WWOX: variants seen among roughly 807,000 people sequenced by gnomAD.
WWOX encodes the protein WW domain-containing oxidoreductase.
A neutral mutation model predicts 46.2 loss-of-function variants in WWOX; 69 were observed. The ratio of observed to expected loss-of-function variants is 1.49; its 90% CI spans 1.23 to 1.82. WWOX has a LOEUF of 1.82. WWOX is among the 40% of genes most tolerant of loss of function. WWOX has a pLI of 0.00. For missense variants in WWOX, 919 were observed against 542.6 expected, an observed-to-expected ratio of 1.69 and a Z score of -6.89; for synonymous variants, 359 against 202.6, an observed-to-expected ratio of 1.77 and a Z score of -6.56.
At chr16:78,231,446 G>A (rs1336733191) in intron 5 of WWOX, among the ~76,000 whole-genome samples, 9 of 152,134 alleles carry the variant, frequency 5.9e-5, no homozygotes, top group East Asian at 1.9e-4. Context: ...TTGGAAATCC[G>A]CTCTCAGGTG....
chr16:79,062,923 C>G (rs1251657811), intron 8 of WWOX, among the ~76,000 whole-genome samples: 1 of 152,192 alleles, frequency 6.6e-6, no homozygotes, highest in Non-Finnish European at 1.5e-5. Context: ...GGCTGTCCAC[C>G]TGCTCAAAAG....
intron 8 of WWOX, among the ~76,000 whole-genome samples, chr16:78,678,309 A>C (rs1559291): frequency 6.6e-6 from 1 of 152,136 alleles, no homozygotes; most frequent in Non-Finnish European, 1.5e-5. Flanking sequence ...CCAGGAGGTC[A>C]AGGCTGCAGT....
intron 8 of WWOX, among the ~76,000 whole-genome samples, chr16:78,799,419 C>G (rs1356725986): frequency 6.6e-6 from 1 of 152,184 alleles, no homozygotes; most frequent in East Asian, 1.9e-4. Context: ...AACTTACCAG[C>G]ATTTAAGGTT....
chr16:78,428,869 T>C (rs559712967), intron 7 of WWOX, among the ~76,000 whole-genome samples: 2 of 152,164 alleles, frequency 1.3e-5, no homozygotes, highest in Admixed American at 1.3e-4. Context: ...CCAAAAGCCC[T>C]AAACATGAGG....
rs187765169 is a variant in WWOX at position 78,719,779 on chromosome 16, C to G, written c.1056+287027C>G. On this transcript the variant is annotated intron_variant, in intron 8 of 8. Coordinates refer to ENST00000566780, the MANE Select transcript of WWOX (RefSeq NM_016373.4). Reference sequence around the variant, plus strand: ...CATCAAGTTAAGAATGAATTTGTAACCAGGGGTATTATGTTTTCTCTTATT... The same window carrying G: ...CATCAAGTTAAGAATGAATTTGTAAGCAGGGGTATTATGTTTTCTCTTATT... Among the ~76,000 whole-genome samples the G allele has an allele frequency of 9.2e-5, 14 of 152,214 alleles. No individual in the cohort carries two copies. The East Asian group carries it at 2.7e-3, about 29-fold the overall frequency.
chr16:78,161,745 C>G (rs1263487757), intron 4 of WWOX, among the ~76,000 whole-genome samples: 1 of 152,170 alleles, frequency 6.6e-6, no homozygotes, highest in Non-Finnish European at 1.5e-5. Flanking sequence ...ATCTTCTCTC[C>G]TTTCTTGCCT....
chr16:78,584,324 G>A (rs2045139987), intron 8 of WWOX, among the ~76,000 whole-genome samples: 1 of 152,212 alleles, frequency 6.6e-6, no homozygotes, highest in Admixed American at 6.5e-5. Context: ...AATTGGCCAA[G>A]ATGAAGGTGT....
chr16:78,810,374 C>G (rs368912817), intron 8 of WWOX, among the ~76,000 whole-genome samples: 157 of 152,310 alleles, frequency 1.0e-3, no homozygotes, highest in African/African-American at 3.6e-3. Flanking sequence ...TGGACACATG[C>G]AGCCACACTT....
In WWOX at chr16:79,071,459, A is replaced by G. The variant is rs147350314; in HGVS notation, c.1057-140149A>G. ...CCCTGTTACCCAAGAGAGTTCACCA[A>G]TTACCCAAACCAAGTTTCATTTTGT... On this transcript the variant is annotated intron_variant, in intron 8 of 8. Transcript: ENST00000566780. Among the ~76,000 whole-genome samples, 140 of 152,256 alleles carry G rather than the reference A, an allele frequency of 9.2e-4. No individual in the cohort carries two copies. In the East Asian group the frequency reaches 0.023, roughly 25 times the overall value.
chr16:78,294,319 T>A (rs2079907951), intron 5 of WWOX, among the ~76,000 whole-genome samples: 1 of 152,140 alleles, frequency 6.6e-6, no homozygotes, highest in African/African-American at 2.4e-5. Context: ...TGGTGCATAT[T>A]TCTTGAGTTG....
chr16:78,566,430 C>A (rs930204694), intron 8 of WWOX, among the ~76,000 whole-genome samples: 5 of 152,180 alleles, frequency 3.3e-5, no homozygotes, highest in African/African-American at 1.2e-4. Context: ...TTTCTGAGTT[C>A]TGCCAAAAAC....
rs144061566 is a variant in WWOX at position 78,658,300 on chromosome 16, C to T, written c.1056+225548C>T. ...AATGAACAAGAAAGTATTAATAAGA[C>T]CCAAATAATAATATAAACTACTACT... On this transcript the variant is annotated intron_variant, in intron 8 of 8. Coordinates refer to ENST00000566780, the MANE Select transcript of WWOX (RefSeq NM_016373.4). Among the ~76,000 whole-genome samples the T allele has an allele frequency of 3.9e-4, 60 of 152,224 alleles. No individual in the cohort carries two copies. The South Asian group carries it at 7.5e-3, about 19-fold the overall frequency.
chr16:78,553,823 G>A (rs993877713), intron 8 of WWOX, among the ~76,000 whole-genome samples: 2 of 152,118 alleles, frequency 1.3e-5, no homozygotes, highest in African/African-American at 4.8e-5. Flanking sequence ...TGGCAGTATT[G>A]GTGGTCACAG....
chr16:79,101,907 C>G (rs1197413962), intron 8 of WWOX, among the ~76,000 whole-genome samples: 1 of 150,932 alleles, frequency 6.6e-6, no homozygotes, highest in African/African-American at 2.4e-5. Context: ...ATGAAACACT[C>G]AGGGAGGTAG....
At chr16:79,035,680 A>C (rs1209381748) in intron 8 of WWOX, among the ~76,000 whole-genome samples, 1 of 152,150 alleles carries the variant, frequency 6.6e-6, no homozygotes, top group South Asian at 2.1e-4. Flanking sequence ...CTGGGAGTAC[A>C]AGTGTGCACC....
chr16:79,200,047 C>G (rs113508847), intron 8 of WWOX, among the ~76,000 whole-genome samples: 2,336 of 152,228 alleles, frequency 0.015, 53 homozygotes, highest in African/African-American at 0.05. Flanking sequence ...CCACAAATGC[C>G]AAGCTCCTCA....
At chr16:78,216,398 A>G (rs1229137530) in intron 5 of WWOX, among the ~76,000 whole-genome samples, 1 of 152,182 alleles carries the variant, frequency 6.6e-6, no homozygotes, top group Non-Finnish European at 1.5e-5. Context: ...CATTATCACC[A>G]GTGTAGCACC....
intron 8 of WWOX, among the ~76,000 whole-genome samples, chr16:78,807,055 T>G (rs1004839088): frequency 1.3e-5 from 2 of 152,216 alleles, no homozygotes; most frequent in African/African-American, 4.8e-5. Context: ...AAATAAAATC[T>G]GTAATTTGTG....
At chr16:78,503,573 G>T (rs1429272096) in intron 8 of WWOX, 1 of 151,868 alleles carries the variant, frequency 6.6e-6, no homozygotes. Context: ...CATGATCTTT[G>T]TCTTTGCATT....
Sources: gnomAD v4.1 joint callset for allele counts (sites outside exome capture counted in the v4.1 genomes callset) on GRCh38, gnomAD v4.1.1 for gene constraint, MANE v1.5 for transcripts, NCBI Gene and HGNC (gene_info 2026-07-23, HGNC 2026-07-21) for gene names.